The following ADRA1B variants were observed in gnomAD, a reference collection of about 807,000 sequenced individuals.
ADRA1B encodes alpha-1B adrenergic receptor.
Under a neutral mutation model 17.9 loss-of-function variants are expected in ADRA1B, and 17 were observed. The ratio of observed to expected loss-of-function variants is 0.95; its 90% CI spans 0.65 to 1.42. ADRA1B has a LOEUF of 1.42. Ranked by LOEUF, ADRA1B falls within the 40% of genes most tolerant of loss-of-function variation. The pLI, the probability that ADRA1B is intolerant of heterozygous loss-of-function variation, is 0.00. For synonymous variants in ADRA1B, 366 were observed against 327.6 expected (o/e 1.12, Z -1.27); for missense variants, 681 against 722.1 (o/e 0.94, Z 0.65).
intron 1 of ADRA1B, among the ~76,000 whole-genome samples, chr5:159,904,195 T>A (rs1173685077): frequency 2.0e-5 from 3 of 152,226 alleles, no homozygotes; most frequent in Non-Finnish European, 4.4e-5. Flanking sequence ...TTTTTAAGAC[T>A]ATGGGTCTGG....
At chr5:159,867,074 C>T (rs997139576) in intron 1 of ADRA1B, 4 of 152,202 alleles carry the variant, frequency 2.6e-5, no homozygotes, top group African/African-American at 9.7e-5. Context: ...GCTCAAGAAA[C>T]ATCTACTTAC....
At chr5:159,920,847 T>C (rs1010817029) in intron 1 of ADRA1B, among the ~76,000 whole-genome samples, 11 of 152,222 alleles carry the variant, frequency 7.2e-5, no homozygotes, top group African/African-American at 2.4e-4. Flanking sequence ...TTCCAAATTC[T>C]AAATTTTCCG....
At chr5:159,919,532 A>G (rs1254644847) in intron 1 of ADRA1B, among the ~76,000 whole-genome samples, 1 of 152,360 alleles carries the variant, frequency 6.6e-6, no homozygotes, top group East Asian at 1.9e-4. Context: ...TATAGGAAGG[A>G]CTTAGCACAG....
chr5:159,969,711 G>A lies in ADRA1B; in HGVS notation c.950-2168G>A, dbSNP rs546880707. 3.8e-4 allele frequency among the ~76,000 whole-genome samples: 58 copies of A among 152,298 alleles called. 1 individual carries two copies. The highest frequency in any genetic ancestry group is 1.3e-3 in the African/African-American group (54 of 41,562). Reference sequence around the variant, plus strand: ...ATACAAAATATGCCACAAGCCAAGTGGCAGGGACAGAGACATGGTTAGAAG... The same window carrying A: ...ATACAAAATATGCCACAAGCCAAGTAGCAGGGACAGAGACATGGTTAGAAG... On this transcript the variant is annotated intron_variant, in intron 1 of 1. Coordinates refer to ENST00000306675, the MANE Select transcript of ADRA1B (RefSeq NM_000679.4).
intron 1 of ADRA1B, among the ~76,000 whole-genome samples, chr5:159,891,695 T>C (rs1353213409): frequency 6.6e-6 from 1 of 152,186 alleles, no homozygotes; most frequent in Admixed American, 6.5e-5. Flanking sequence ...AACACCCTCC[T>C]GCAGCCCTCC....
At position 159,925,849 on chromosome 5, in the gene ADRA1B, A is replaced by AATAAACC. The variant is rs1252520614; in HGVS notation, c.949+7995_949+7996insATAAACC. 7.2e-5 allele frequency among the ~76,000 whole-genome samples: 11 copies of AATAAACC among 152,244 alleles called. No homozygotes were observed. The South Asian group carries it at 1.9e-3, about 26-fold the overall frequency. ...TTAAATAAGGGGAATAACCAATTGC[A>AATAAACC]TTAATAAACCTTACTTCTGAAAACT... On this transcript the variant is annotated intron_variant, in intron 1 of 1. Coordinates refer to ENST00000306675, the MANE Select transcript of ADRA1B (RefSeq NM_000679.4).
chr5:159,878,587 C>A (rs562204286), intron 1 of ADRA1B, among the ~76,000 whole-genome samples: 1 of 152,286 alleles, frequency 6.6e-6, no homozygotes, highest in East Asian at 1.9e-4. Flanking sequence ...ACCTATTTCA[C>A]CATCTTTAAT....
chr5:159,916,846 C>A lies in ADRA1B; in HGVS notation c.-60C>A. ...GCAAAGTTTCAGGGCAGCTGAGGAG[C>A]CTTCGCCGCAGCCCTTCCGAGCCCA... On this transcript the variant is annotated 5_prime_UTR_variant, in exon 1 of 2. Coordinates refer to ENST00000306675, the MANE Select transcript of ADRA1B (RefSeq NM_000679.4). 2 of 1,489,070 alleles carry A rather than the reference C, an allele frequency of 1.3e-6. No homozygotes were observed. The highest frequency in any genetic ancestry group is 2.3e-5 in the East Asian group (1 of 43,468). The allele number at this position is 1,489,070 out of a possible 1,614,324, so 92.2% of individuals were successfully genotyped here.
chr5:159,973,664 G>A (rs1561613741), downstream of ADRA1B, among the ~76,000 whole-genome samples: 4 of 152,120 alleles, frequency 2.6e-5, no homozygotes, highest in African/African-American at 9.6e-5. Context: ...ACCCTGCCTG[G>A]AAAAAAGCAC....
At chr5:159,968,877 G>A (rs1450814318) in intron 1 of ADRA1B, among the ~76,000 whole-genome samples, 1 of 152,070 alleles carries the variant, frequency 6.6e-6, no homozygotes, top group Non-Finnish European at 1.5e-5. Context: ...ACCATGTCTG[G>A]CCCTCTCCAA....
chr5:159,871,096 G>T (rs1035934387), intron 1 of ADRA1B: 3 of 152,184 alleles, frequency 2.0e-5, no homozygotes, highest in African/African-American at 7.2e-5. Flanking sequence ...CATTCAGCAT[G>T]GAAAAGCAGA....
At chr5:159,925,037 T>C (rs1188617521) in intron 1 of ADRA1B, among the ~76,000 whole-genome samples, 2 of 152,158 alleles carry the variant, frequency 1.3e-5, no homozygotes, top group Admixed American at 1.3e-4. Flanking sequence ...AAACAGAAGC[T>C]CAGAGAGATT....
At chr5:159,891,964 C>T (rs750640308) in intron 1 of ADRA1B, among the ~76,000 whole-genome samples, 10 of 152,178 alleles carry the variant, frequency 6.6e-5, no homozygotes, top group Non-Finnish European at 1.2e-4. Context: ...TCTGGCCAGG[C>T]GCGCTGGCTC....
At chr5:159,899,672 G>A (rs1198139782) in intron 1 of ADRA1B, among the ~76,000 whole-genome samples, 2 of 152,178 alleles carry the variant, frequency 1.3e-5, no homozygotes, top group Admixed American at 6.5e-5. Flanking sequence ...AACGGCACCC[G>A]GCAGCCCTAC....
intron 1 of ADRA1B, among the ~76,000 whole-genome samples, chr5:159,958,941 C>A (rs998088702): frequency 1.3e-5 from 2 of 152,192 alleles, no homozygotes; most frequent in Non-Finnish European, 2.9e-5. Flanking sequence ...CTGCAGAAAC[C>A]ATTTCATCCC....
chr5:159,916,853 C>A lies in ADRA1B; in HGVS notation c.-53C>A, dbSNP rs8192447. On this transcript the variant is annotated 5_prime_UTR_variant, in exon 1 of 2. Coordinates refer to ENST00000306675, the MANE Select transcript of ADRA1B (RefSeq NM_000679.4). The stretch of plus-strand genomic sequence containing the variant: ...TTCAGGGCAGCTGAGGAGCCTTCGC[C>A]GCAGCCCTTCCGAGCCCAATCATCC... 5.0e-4 allele frequency: 766 copies of A among 1,522,966 alleles called. 1 individual carries two copies. The highest frequency in any genetic ancestry group is 6.3e-4 in the Non-Finnish European group (707 of 1,123,990). 94.3% of individuals were successfully genotyped at this position (1,522,966 alleles called of 1,614,324 possible). A position where few individuals can be genotyped will look rare whatever the true frequency, so the allele number is the denominator to read the frequency against.
chr5:159,870,935 T>C (rs1190554448), intron 1 of ADRA1B: 1 of 152,176 alleles, frequency 6.6e-6, no homozygotes, highest in East Asian at 1.9e-4. Context: ...TGAGCTTGCT[T>C]TAAGGGGCCA....
chr5:159,948,358 A>G (rs1422207784), intron 1 of ADRA1B: 1 of 985,370 alleles, frequency 1.0e-6, no homozygotes, highest in East Asian at 1.1e-4. Context: ...ACAAGGAAAG[A>G]AAATATAACT....
At chr5:159,967,041 A>AT (rs1386054028) in intron 1 of ADRA1B, among the ~76,000 whole-genome samples, 2 of 152,260 alleles carry the variant, frequency 1.3e-5, no homozygotes, top group East Asian at 3.9e-4. Context: ...GTATGACCCC[A>AT]TTTTTTTAAA....
Sources: allele counts gnomAD v4.1 joint callset (sites outside exome capture counted in the v4.1 genomes callset), GRCh38; gene constraint gnomAD v4.1.1; transcripts MANE v1.5; gene names NCBI Gene and HGNC (gene_info 2026-07-23, HGNC 2026-07-21).